PPP4R4: variants seen among roughly 807,000 people sequenced by gnomAD.
PPP4R4 encodes the protein protein phosphatase 4 regulatory subunit 4, also known as serine/threonine-protein phosphatase 4 regulatory subunit 4.
A neutral mutation model predicts 121.8 loss-of-function variants in PPP4R4; 70 were observed. The ratio of observed to expected loss-of-function variants is 0.57; its 90% CI spans 0.47 to 0.70. The LOEUF (loss-of-function observed/expected upper bound fraction) is 0.70, where lower values mean the gene tolerates loss of function less well. PPP4R4 is among the 30% of genes least tolerant of loss of function. The pLI, the probability that PPP4R4 is intolerant of heterozygous loss-of-function variation, is 0.00. For synonymous variants in PPP4R4, 348 were observed against 355.7 expected, an observed-to-expected ratio of 0.98 and a Z score of 0.24; for missense variants, 875 against 1,033.6, an observed-to-expected ratio of 0.85 and a Z score of 2.10.
intron 5 of PPP4R4, 85 bp from the exon 6 acceptor site, chr14:94,233,568 T>A: frequency 1.2e-6 from 1 of 847,180 alleles, no homozygotes; most frequent in Non-Finnish European, 1.9e-6. Context: ...ATTTAGAACT[T>A]TAAAATACTC....
At chr14:94,177,288 G>A (rs1028281280) in intron 2 of PPP4R4, among the ~76,000 whole-genome samples, 5 of 152,042 alleles carry the variant, frequency 3.3e-5, no homozygotes, top group African/African-American at 1.2e-4. Flanking sequence ...GGTATCTGTG[G>A]TAGCATGCTC....
Position 94,267,005 on chromosome 14 carries a change from A to G in PPP4R4, c.2425A>G (p.Lys809Glu). The G allele has an allele frequency of 6.3e-7, 1 of 1,598,242 alleles. No individual in the cohort carries two copies. ...TACAACTTCTGTCTCAGGGTTAGGA[A>G]AGACTTCTGTGCTTTCACTAGCTGG... ...GYTTSVSGLGKTSVLSLADDS... is the reference protein window; with the variant it reads ...GYTTSVSGLGETSVLSLADDS... Residue 809 changes from lysine to glutamate, a missense_variant, in exon 23 of 25, where the codon AAG becomes GAG. By Grantham distance (56) the Lys-to-Glu change is moderately conservative. Coordinates refer to ENST00000304338, the MANE Select transcript of PPP4R4 (RefSeq NM_058237.2).
chr14:94,178,156 C>T (rs1888779683), intron 2 of PPP4R4, among the ~76,000 whole-genome samples: 1 of 152,126 alleles, frequency 6.6e-6, no homozygotes, highest in Non-Finnish European at 1.5e-5. Context: ...ATGTTCTGAA[C>T]TTTGCCTCTG....
chr14:94,230,354 G>A (rs1012151958), intron 3 of PPP4R4, among the ~76,000 whole-genome samples: 9 of 152,128 alleles, frequency 5.9e-5, no homozygotes, highest in African/African-American at 2.2e-4. Flanking sequence ...TAAAGCGGTG[G>A]CAAGTTACTT....
At chr14:94,210,599 G>A (rs183796050) in intron 3 of PPP4R4, among the ~76,000 whole-genome samples, 1 of 152,108 alleles carries the variant, frequency 6.6e-6, no homozygotes, top group African/African-American at 2.4e-5. Flanking sequence ...TAGGACCATC[G>A]TCTTGCTGTA....
chr14:94,277,391 G>T (rs1894702670), intron 24 of PPP4R4, among the ~76,000 whole-genome samples: 1 of 152,190 alleles, frequency 6.6e-6, no homozygotes, highest in African/African-American at 2.4e-5. Flanking sequence ...CTAAGTGGTT[G>T]TGCAAAGTTC....
intron 22 of PPP4R4, among the ~76,000 whole-genome samples, chr14:94,266,229 A>C (rs1894046903): frequency 6.6e-6 from 1 of 152,178 alleles, no homozygotes; most frequent in Non-Finnish European, 1.5e-5. Flanking sequence ...ATCTAAATGT[A>C]TATAGACATC....
intron 2 of PPP4R4, among the ~76,000 whole-genome samples, chr14:94,198,469 A>G (rs1010726624): frequency 3.3e-5 from 5 of 152,340 alleles, no homozygotes; most frequent in African/African-American, 1.2e-4. Flanking sequence ...ATGCCAGTCT[A>G]TGGCTTACAT....
chr14:94,247,467 C>T (rs1248506075), intron 14 of PPP4R4, among the ~76,000 whole-genome samples: 1 of 152,214 alleles, frequency 6.6e-6, no homozygotes, highest in African/African-American at 2.4e-5. Flanking sequence ...TGCCAGACTA[C>T]CAGCAGACAT....
At chr14:94,217,263 CT>C in intron 3 of PPP4R4, among the ~76,000 whole-genome samples, 3 of 152,168 alleles carry the variant, frequency 2.0e-5, no homozygotes, top group Non-Finnish European at 4.4e-5. Context: ...GCATCTGAGG[CT>C]GCACGTTAAA....
intron 7 of PPP4R4, among the ~76,000 whole-genome samples, chr14:94,236,964 GAC>G (rs1003150791): frequency 7.9e-5 from 12 of 152,088 alleles, no homozygotes; most frequent in Non-Finnish European, 1.5e-5. Flanking sequence ...TCATTACAGT[GAC>G]ACCTTATCAT....
chr14:94,196,589 C>T (rs891350092), intron 2 of PPP4R4, among the ~76,000 whole-genome samples: 25 of 152,146 alleles, frequency 1.6e-4, no homozygotes, highest in African/African-American at 5.8e-4. Flanking sequence ...GCTGGGATTA[C>T]AGGCATGAGC....
chr14:94,182,178 C>G (rs1889029152), intron 2 of PPP4R4, among the ~76,000 whole-genome samples: 1 of 152,094 alleles, frequency 6.6e-6, no homozygotes, highest in Non-Finnish European at 1.5e-5. Flanking sequence ...TTCCCATGGT[C>G]TGGTTTGTTC....
At chr14:94,258,003 A>G (rs545500842) in intron 17 of PPP4R4, among the ~76,000 whole-genome samples, 1 of 152,214 alleles carries the variant, frequency 6.6e-6, no homozygotes, top group South Asian at 2.1e-4. Flanking sequence ...GCTACACAAA[A>G]CTTTTGGATA....
intron 3 of PPP4R4, among the ~76,000 whole-genome samples, chr14:94,224,243 C>T (rs1891572688): frequency 1.3e-5 from 2 of 152,050 alleles, no homozygotes. Context: ...TTATGCAGAT[C>T]CTTAGGTGCA....
rs112116010 is a variant in PPP4R4 at position 94,234,459 on chromosome 14, A to G, written c.624-103A>G. The G allele has an allele frequency of 2.4e-3, 1,659 of 699,526 alleles. 21 individuals carry two copies. The African/African-American group carries it at 0.026, about 11-fold the overall frequency. 43.3% of individuals were successfully genotyped at this position (699,526 alleles called of 1,614,324 possible). A position where few individuals can be genotyped will look rare whatever the true frequency, so the allele number is the denominator to read the frequency against. Reference sequence around the variant, plus strand: ...TATTATTTTTTTTCTATTAAAGTACATTTGTTATTATTAAGGTGAGTTAAG... The same window carrying G: ...TATTATTTTTTTTCTATTAAAGTACGTTTGTTATTATTAAGGTGAGTTAAG... On this transcript the variant is annotated intron_variant, in intron 6 of 24. Transcript: ENST00000304338.
chr14:94,204,528 C>T (rs1890360519), intron 2 of PPP4R4, among the ~76,000 whole-genome samples: 1 of 151,936 alleles, frequency 6.6e-6, no homozygotes, highest in East Asian at 1.9e-4. Context: ...ATTCCTCCTA[C>T]TTCATTCCTC....
chr14:94,202,395 A>G (rs1022508401), intron 2 of PPP4R4, among the ~76,000 whole-genome samples: 10 of 152,360 alleles, frequency 6.6e-5, no homozygotes, highest in African/African-American at 2.4e-4. Context: ...AAAGATATAA[A>G]TAAACAAAGA....
chr14:94,263,255 A>G (rs911503119), intron 19 of PPP4R4, among the ~76,000 whole-genome samples: 1 of 151,942 alleles, frequency 6.6e-6, no homozygotes, highest in Non-Finnish European at 1.5e-5. Flanking sequence ...TTGCACATAT[A>G]TTAGATCGTT....
Sources: allele counts gnomAD v4.1 joint callset (sites outside exome capture counted in the v4.1 genomes callset), GRCh38; gene constraint gnomAD v4.1.1; transcripts MANE v1.5; gene names NCBI Gene and HGNC (gene_info 2026-07-23, HGNC 2026-07-21).